Variants in BCKDHB observed in about 807,000 individuals in gnomAD.
BCKDHB encodes 2-oxoisovalerate dehydrogenase subunit beta, mitochondrial.
In BCKDHB, 41 loss-of-function variants were observed where a neutral mutation model predicts 48.5. The observed-to-expected ratio is 0.85, with a 90% CI of 0.66 to 1.10. BCKDHB has a LOEUF of 1.10. BCKDHB is among the 50% of genes least tolerant of loss of function. The pLI is 0.00. For synonymous variants in BCKDHB, 201 were observed against 174.8 expected (o/e 1.15, Z -1.18); for missense variants, 496 against 494.2 (o/e 1.00, Z -0.03).
intron 8 of BCKDHB, among the ~76,000 whole-genome samples, chr6:80,204,027 T>C (rs536485399): frequency 3.3e-5 from 5 of 152,234 alleles, no homozygotes; most frequent in African/African-American, 1.2e-4. Flanking sequence ...GATTAATAGA[T>C]AGATGTACAA....
At chr6:80,306,468 A>G (rs574286136) in intron 9 of BCKDHB, among the ~76,000 whole-genome samples, 1 of 152,190 alleles carries the variant, frequency 6.6e-6, no homozygotes, top group African/African-American at 2.4e-5. Flanking sequence ...ACCTAAGCAA[A>G]TCAGTCCAGA....
intron 6 of BCKDHB, among the ~76,000 whole-genome samples, chr6:80,193,445 G>A (rs939838447): frequency 3.0e-4 from 46 of 152,146 alleles, no homozygotes; most frequent in Admixed American, 7.2e-4. Flanking sequence ...CTGGCCAGGC[G>A]TGATGGCTCA....
chr6:80,203,321 A>G (rs1017602467), intron 8 of BCKDHB, 109 bp downstream of exon 8: 15 of 834,990 alleles, frequency 1.8e-5, no homozygotes, highest in African/African-American at 8.5e-5. Context: ...AGCATTTTCA[A>G]TTGATTTAAA....
chr6:80,331,973 GA>G (rs530056002), intron 9 of BCKDHB, among the ~76,000 whole-genome samples: 156 of 152,254 alleles, frequency 1.0e-3, no homozygotes, highest in African/African-American at 3.7e-3. Flanking sequence ...ACTAGGAATT[GA>G]AAATGATGAA....
chr6:80,347,639 A>G (rs1425525263), downstream of BCKDHB, among the ~76,000 whole-genome samples: 1 of 152,154 alleles, frequency 6.6e-6, no homozygotes, highest in African/African-American at 2.4e-5. Flanking sequence ...CTTTAACTCT[A>G]TTTTTGAAAT....
intron 8 of BCKDHB, among the ~76,000 whole-genome samples, chr6:80,262,363 C>A (rs1442925912): frequency 6.6e-6 from 1 of 152,114 alleles, no homozygotes; most frequent in Non-Finnish European, 1.5e-5. Flanking sequence ...CGTGGTAACA[C>A]ACAAACACAC....
the BCKDHB span, among the ~76,000 whole-genome samples, chr6:80,395,552 AAAGCATTC>A: frequency 1.3e-5 from 2 of 152,242 alleles, no homozygotes; most frequent in Non-Finnish European, 2.9e-5. Flanking sequence ...TCTAAGCGGC[AAAGCATTC>A]AAGAGGAAGC....
intron 3 of BCKDHB, among the ~76,000 whole-genome samples, chr6:80,141,779 G>C (rs1771226782): frequency 6.6e-6 from 1 of 152,022 alleles, no homozygotes; most frequent in Admixed American, 6.6e-5. Context: ...AGAACAATAT[G>C]TATTAGAAAA....
At position 80,345,015 on chromosome 6, in the gene BCKDHB, G is replaced by T. The variant is rs556423038; in HGVS notation, c.*1211G>T. 1 of 152,196 alleles carries T rather than the reference G, an allele frequency of 6.6e-6. No homozygotes were observed. Among genetic ancestry groups the T allele is most frequent in the Non-Finnish European group, 1.5e-5 (1 of 68,006 alleles). 9.4% of individuals were successfully genotyped at this position (152,196 alleles called of 1,614,324 possible). A position where few individuals can be genotyped will look rare whatever the true frequency, so the allele number is the denominator to read the frequency against. On this transcript the variant is annotated 3_prime_UTR_variant, in exon 10 of 10. Coordinates refer to ENST00000320393, the MANE Select transcript of BCKDHB (RefSeq NM_183050.4). ...ACAAACAAACAAACCCTAAAACTCAGCACCACTACCATTTCCAGAAGCTTT... is the reference window on the plus strand; with the variant it reads ...ACAAACAAACAAACCCTAAAACTCATCACCACTACCATTTCCAGAAGCTTT...
chr6:80,162,907 T>TTTCTC (rs992137434), intron 3 of BCKDHB, among the ~76,000 whole-genome samples: 1 of 151,598 alleles, frequency 6.6e-6, no homozygotes, highest in African/African-American at 2.4e-5. Context: ...GACTGCTCCC[T>TTTCTC]TTCTCTTCTC....
chr6:80,393,793 T>A, the BCKDHB span, among the ~76,000 whole-genome samples: 2 of 152,230 alleles, frequency 1.3e-5, no homozygotes, highest in African/African-American at 4.8e-5. Context: ...ATTTATTTCC[T>A]ACGTTGAACC....
chr6:80,379,212 C>G, the BCKDHB span, among the ~76,000 whole-genome samples: 1 of 151,950 alleles, frequency 6.6e-6, no homozygotes, highest in East Asian at 1.9e-4. Flanking sequence ...CAAACTGAAT[C>G]CAACAGAACA....
the BCKDHB span, among the ~76,000 whole-genome samples, chr6:80,445,832 T>A: frequency 1.3e-5 from 2 of 152,216 alleles, no homozygotes; most frequent in Non-Finnish European, 2.9e-5. Flanking sequence ...CATTTTATTA[T>A]TCCCCCAGCA....
intron 9 of BCKDHB, chr6:80,307,777 T>A: frequency 1.0e-6 from 1 of 984,858 alleles, no homozygotes. Flanking sequence ...ACACACTTCA[T>A]AATGGAGTAT....
intron 1 of BCKDHB, 26 bp from the exon 2 acceptor site, chr6:80,127,521 A>G (rs748794999): frequency 6.6e-7 from 1 of 1,519,768 alleles, no homozygotes; most frequent in Admixed American, 1.7e-5. Flanking sequence ...CAACACACGA[A>G]ATGATTTTTT....
chr6:80,328,702 T>A (rs545139651), intron 9 of BCKDHB, among the ~76,000 whole-genome samples: 12 of 152,316 alleles, frequency 7.9e-5, no homozygotes, highest in African/African-American at 2.2e-4. Context: ...ATTTTTAGAC[T>A]AACTTGCAAT....
chr6:80,231,378 TA>T (rs1775917435), intron 8 of BCKDHB, among the ~76,000 whole-genome samples: 1 of 152,198 alleles, frequency 6.6e-6, no homozygotes, highest in Non-Finnish European at 1.5e-5. Context: ...TTATGTATTA[TA>T]AACATTTATA....
the BCKDHB span, among the ~76,000 whole-genome samples, chr6:80,431,007 C>G: frequency 6.6e-6 from 1 of 152,176 alleles, no homozygotes; most frequent in Non-Finnish European, 1.5e-5. Context: ...CCCAGAGATT[C>G]TGGTCCGTTG....
intron 6 of BCKDHB, among the ~76,000 whole-genome samples, chr6:80,192,888 A>G (rs186470618): frequency 0.014 from 2,146 of 150,044 alleles, 49 homozygotes; most frequent in African/African-American, 0.049. Flanking sequence ...GTGTGATCTC[A>G]GCTCACTGCA....
Sources: allele counts gnomAD v4.1 joint callset (sites outside exome capture counted in the v4.1 genomes callset), GRCh38; gene constraint gnomAD v4.1.1; transcripts MANE v1.5; gene names NCBI Gene and HGNC (gene_info 2026-07-23, HGNC 2026-07-21).